Variants in HTT observed in about 807,000 individuals in gnomAD.
HTT encodes the protein huntington disease protein.
In HTT, 104 loss-of-function variants were observed where a neutral mutation model predicts 362.3. The ratio of observed to expected loss-of-function variants is 0.29; its 90% CI spans 0.24 to 0.34. The LOEUF is 0.34. Among genes scored for constraint, HTT ranks in the 10% least tolerant of loss-of-function variants. The pLI is 1.00. For synonymous variants in HTT, 1,577 were observed against 1,548.7 expected (o/e 1.02, Z -0.43); for missense variants, 3,301 against 3,928.6 (o/e 0.84, Z 4.27).
chr4:3,117,429 C>T (rs572632895), intron 8 of HTT, among the ~76,000 whole-genome samples: 48 of 151,960 alleles, frequency 3.2e-4, no homozygotes, highest in Admixed American at 3.1e-3. Context: ...ATTTATAATC[C>T]TACTTCTCCC....
intron 37 of HTT, among the ~76,000 whole-genome samples, chr4:3,184,191 G>A (rs962352491): frequency 3.3e-5 from 5 of 151,998 alleles, no homozygotes; most frequent in Non-Finnish European, 7.4e-5. Flanking sequence ...TTTGCAGAAA[G>A]GAAAGATACA....
In HTT at chr4:3,218,032, G is replaced by A. The variant is rs934795807; in HGVS notation, c.7242+80G>A. ...CCCTGGGCTGGGCACACGTGAGAGG[G>A]CGGGACAGAATCCCCGCAGCCCAGA... is the stretch of plus-strand genomic sequence containing the variant. On this transcript the variant is annotated intron_variant, in intron 52 of 66. Coordinates refer to ENST00000355072, the MANE Select transcript of HTT (RefSeq NM_001388492.1). This position sits in a 1 kb window ranked among gnomAD's most constrained non-coding sequence, Gnocchi z 4.4. 4.7e-6 allele frequency: 6 copies of A among 1,263,678 alleles called. No homozygotes were observed. The highest frequency in any genetic ancestry group is 2.3e-5 in the Admixed American group (1 of 43,714). The allele number at this position is 1,263,678 out of a possible 1,614,324, so 78.3% of individuals were successfully genotyped here.
chr4:3,103,894 C>T lies in HTT; in HGVS notation c.528+11C>T, dbSNP rs1291433751. 3 of 1,562,644 alleles carry T rather than the reference C, an allele frequency of 1.9e-6. No individual in the cohort carries two copies. The highest frequency in any genetic ancestry group is 2.6e-6 in the Non-Finnish European group (3 of 1,139,312). On this transcript the variant is annotated intron_variant, in intron 4 of 66. Coordinates refer to ENST00000355072, the MANE Select transcript of HTT (RefSeq NM_001388492.1). ...AAGGAAATTAAAAAGGTGGGCCTTGCTTTTCTTTTTTAAAAATGTTTTAAA... is the reference window on the plus strand; with the variant it reads ...AAGGAAATTAAAAAGGTGGGCCTTGTTTTTCTTTTTTAAAAATGTTTTAAA...
At chr4:3,079,165 G>C (rs28755900) in intron 1 of HTT, among the ~76,000 whole-genome samples, 2,969 of 152,060 alleles carry the variant, frequency 0.02, 55 homozygotes, top group Middle Eastern at 0.038. Context: ...CAAAGTGCTA[G>C]GATTACAGGC....
At chr4:3,086,838 T>C (rs889473448) in intron 1 of HTT, 101 bp from the exon 2 acceptor site, 2 of 671,026 alleles carry the variant, frequency 3.0e-6, no homozygotes, top group African/African-American at 1.8e-5. Flanking sequence ...GGTTTATTCA[T>C]AGTAGTCGAG....
chr4:3,096,172 G>A (rs560699330), intron 2 of HTT, among the ~76,000 whole-genome samples: 14 of 152,356 alleles, frequency 9.2e-5, no homozygotes, highest in African/African-American at 1.9e-4. Flanking sequence ...TCGTTCATCA[G>A]CCTGGCATAG....
chr4:3,130,656 C>T (rs1715766333), intron 14 of HTT, among the ~76,000 whole-genome samples: 1 of 152,200 alleles, frequency 6.6e-6, no homozygotes, highest in Non-Finnish European at 1.5e-5. Flanking sequence ...CAAATCTATT[C>T]TGTACTGAAT....
intron 2 of HTT, among the ~76,000 whole-genome samples, chr4:3,094,055 G>A (rs1022859180): frequency 6.6e-6 from 1 of 151,850 alleles, no homozygotes; most frequent in African/African-American, 2.4e-5. Context: ...CTAGGCAGAG[G>A]GCCCTGCCAC....
chr4:3,176,544 G>A (rs1264452087), intron 33 of HTT, among the ~76,000 whole-genome samples: 1 of 152,212 alleles, frequency 6.6e-6, no homozygotes, highest in Admixed American at 6.5e-5. Flanking sequence ...AGCAGGGGCT[G>A]AGAGGAGCAG....
intron 55 of HTT, 150 bp from the exon 56 acceptor site, chr4:3,223,842 G>A (rs2110289395): frequency 1.3e-6 from 1 of 776,534 alleles, no homozygotes; most frequent in African/African-American, 1.7e-5. Context: ...CCCACTTAAG[G>A]GCTCACGGAC....
At position 3,116,357 on chromosome 4, in the gene HTT, T is replaced by A. The variant is rs1045796504; in HGVS notation, c.1068+94T>A. 4.5e-6 allele frequency: 5 copies of A among 1,110,344 alleles called. No individual in the cohort carries two copies. The African/African-American group carries it at 7.7e-5, about 17-fold the overall frequency. The allele number at this position is 1,110,344 out of a possible 1,614,324, so 68.8% of individuals were successfully genotyped here. On this transcript the variant is annotated intron_variant, in intron 8 of 66. Coordinates refer to ENST00000355072, the MANE Select transcript of HTT (RefSeq NM_001388492.1). ...GAAGAGAAGCGGCAGAACCGAGAGT[T>A]AGAGGTGTGGACTCTGGAGCTGCGC...
chr4:3,074,960 G>GCCTCCT lies in HTT; in HGVS notation c.137_138insTCCTCC (p.Pro48_Pro49dup). 1 of 1,492,812 alleles carries GCCTCCT rather than the reference G, an allele frequency of 6.7e-7. No homozygotes were observed. Among genetic ancestry groups the GCCTCCT allele is most frequent in the South Asian group, 1.2e-5 (1 of 80,806 alleles). The allele number at this position is 1,492,812 out of a possible 1,614,324, so 92.5% of individuals were successfully genotyped here. On this transcript the variant is annotated inframe_insertion, in exon 1 of 67. Coordinates refer to ENST00000355072, the MANE Select transcript of HTT (RefSeq NM_001388492.1). ...AACAGCCGCCACCGCCGCCGCCGCCGCCGCCGCCTCCTCAGCTTCCTCAGC... is the reference window on the plus strand; with the variant it reads ...AACAGCCGCCACCGCCGCCGCCGCCGCCTCCTCCGCCGCCTCCTCAGCTTCCTCAGC...
At chr4:3,226,137 G>A (rs2110291971) in intron 57 of HTT, among the ~76,000 whole-genome samples, 1 of 152,214 alleles carries the variant, frequency 6.6e-6, no homozygotes, top group South Asian at 2.1e-4. Flanking sequence ...CCATGGTATG[G>A]GGGGCCGCAG....
At chr4:3,132,478 C>G in intron 16 of HTT, 84 bp from the exon 17 acceptor site, 1 of 1,189,822 alleles carries the variant, frequency 8.4e-7, no homozygotes, top group South Asian at 1.4e-5. Context: ...CTCTTTTTCT[C>G]TTTCCTGAGA....
intron 53 of HTT, among the ~76,000 whole-genome samples, chr4:3,221,217 G>T (rs1377204543): frequency 6.6e-6 from 1 of 152,168 alleles, no homozygotes; most frequent in Non-Finnish European, 1.5e-5. Flanking sequence ...GAAGGTTGTG[G>T]CAGGAGACAC....
chr4:3,084,688 T>C (rs1361905290), intron 1 of HTT, among the ~76,000 whole-genome samples: 2 of 133,502 alleles, frequency 1.5e-5, no homozygotes, highest in South Asian at 2.3e-4. Flanking sequence ...AGACTCCATC[T>C]CCAAAAAAAA....
chr4:3,239,942 G>C lies in HTT; in HGVS notation c.9312G>C (p.Glu3104Asp), dbSNP rs1243026272. 1 of 1,585,808 alleles carries C rather than the reference G, an allele frequency of 6.3e-7. No individual in the cohort carries two copies. The highest frequency in any genetic ancestry group is 1.2e-5 in the South Asian group (1 of 86,802). The part of the protein sequence containing the change: ...VATDFYRHQI[E>D]EELDRRAFQS... The stretch of plus-strand genomic sequence containing the variant: ...CAGACTTCTACAGACACCAGATAGA[G>C]GAGGAGCTCGACCGCAGGGCCTTCC... Residue 3104 changes from glutamate (E) to aspartate (D), a missense_variant, in exon 67 of 67, where the codon GAG becomes GAC. Transcript: ENST00000355072.
intron 38 of HTT, among the ~76,000 whole-genome samples, chr4:3,187,076 G>C (rs1718799461): frequency 6.6e-6 from 1 of 151,488 alleles, no homozygotes; most frequent in Non-Finnish European, 1.5e-5. Flanking sequence ...AGCCAGGATG[G>C]TCTTGATCTC....
At chr4:3,173,157 C>T (rs985191714) in intron 31 of HTT, 26 bp downstream of exon 31, 15 of 1,579,140 alleles carry the variant, frequency 9.5e-6, no homozygotes, top group Admixed American at 5.0e-5. Flanking sequence ...AGAATGCTGT[C>T]GTTGGTGGAA....
Sources: gnomAD v4.1 joint callset for allele counts (sites outside exome capture counted in the v4.1 genomes callset) on GRCh38, gnomAD v4.1.1 for gene constraint, Gnocchi (gnomAD v3.1) non-coding constraint, MANE v1.5 for transcripts, NCBI Gene and HGNC (gene_info 2026-07-23, HGNC 2026-07-21) for gene names.